PIAS1: variants seen among roughly 807,000 people sequenced by gnomAD.
PIAS1 encodes the protein E3 SUMO-protein ligase PIAS1.
In PIAS1, 6 loss-of-function variants were observed where a neutral mutation model predicts 71.3. The observed-to-expected ratio is 0.08, with a 90% CI of 0.05 to 0.17. PIAS1 has a LOEUF of 0.17. PIAS1 is among the 10% of genes least tolerant of loss of function. PIAS1 has a pLI of 1.00. For missense variants in PIAS1, 555 were observed against 793.6 expected (o/e 0.70, Z 3.61); for synonymous variants, 303 against 292.9 (o/e 1.03, Z -0.35).
chr15:68,071,330 T>C (rs2092094641), intron 1 of PIAS1, among the ~76,000 whole-genome samples: 1 of 149,256 alleles, frequency 6.7e-6, no homozygotes, highest in African/African-American at 2.5e-5. Context: ...AATTCTCTGC[T>C]TCAGCCTCCT....
At chr15:68,142,250 A>C in intron 3 of PIAS1, 40 bp from the exon 4 acceptor site, 1 of 1,530,736 alleles carries the variant, frequency 6.5e-7, no homozygotes, top group Non-Finnish European at 9.0e-7. Context: ...TCATGCAAAT[A>C]CTTTAAAAGT....
chr15:68,154,652 C>A (rs1301488660), intron 7 of PIAS1, among the ~76,000 whole-genome samples: 2 of 152,192 alleles, frequency 1.3e-5, no homozygotes, highest in Non-Finnish European at 2.9e-5. Context: ...TATCAATATA[C>A]CCTTAATAGT....
chr15:68,184,903 C>G (rs2093077937), intron 13 of PIAS1: 1 of 153,356 alleles, frequency 6.5e-6, no homozygotes, highest in African/African-American at 2.4e-5. Flanking sequence ...AGCATGTCAG[C>G]AAGCACACAC....
intron 2 of PIAS1, among the ~76,000 whole-genome samples, chr15:68,123,383 C>T (rs2092626666): frequency 6.6e-6 from 1 of 152,178 alleles, no homozygotes; most frequent in Admixed American, 6.5e-5. Flanking sequence ...TACATACCCT[C>T]TTACACACAG....
At chr15:68,091,298 A>G (rs906535224) in intron 2 of PIAS1, among the ~76,000 whole-genome samples, 2 of 152,148 alleles carry the variant, frequency 1.3e-5, no homozygotes, top group African/African-American at 2.4e-5. Flanking sequence ...GTATCATTCA[A>G]AATAGTTTAT....
intron 4 of PIAS1, 62 bp downstream of exon 4, chr15:68,142,399 G>A (rs571543924): frequency 7.3e-5 from 88 of 1,207,836 alleles, no homozygotes; most frequent in South Asian, 2.3e-4. Context: ...TTCACAGTAC[G>A]GGTCCAGTTA....
At chr15:68,117,841 TGA>T (rs757254880) in intron 2 of PIAS1, among the ~76,000 whole-genome samples, 1 of 152,240 alleles carries the variant, frequency 6.6e-6, no homozygotes, top group Non-Finnish European at 1.5e-5. Flanking sequence ...TTTCACATGC[TGA>T]TTTCATTTCC....
At chr15:68,163,988 A>G (rs980931875) in intron 7 of PIAS1, among the ~76,000 whole-genome samples, 3 of 152,204 alleles carry the variant, frequency 2.0e-5, no homozygotes, top group African/African-American at 7.2e-5. Context: ...AGAGTCTTTC[A>G]TATCAGACTG....
chr15:68,099,273 T>TA (rs1032654524), intron 2 of PIAS1, among the ~76,000 whole-genome samples: 8 of 151,090 alleles, frequency 5.3e-5, no homozygotes, highest in African/African-American at 1.7e-4. Flanking sequence ...TTTTTTTTTT[T>TA]ACTCTTCAAA....
In PIAS1 at chr15:68,185,540, C is replaced by T. The variant is rs914306406; in HGVS notation, c.1662+1873C>T. Among the ~76,000 whole-genome samples, 15 of 152,090 alleles carry T rather than the reference C, an allele frequency of 9.9e-5. No homozygotes were observed. Among genetic ancestry groups the T allele is most frequent in the Admixed American group, 3.9e-4 (6 of 15,272 alleles). On this transcript the variant is annotated intron_variant, in intron 13 of 13. Transcript: ENST00000249636. This position sits in a 1 kb window ranked among gnomAD's most constrained non-coding sequence, Gnocchi z 4.4. The stretch of plus-strand genomic sequence containing the variant: ...AGCTGTTGGAACTGGAACAGGAACA[C>T]GCAGCTGAAGAAGGTGCAAGAGAAA...
intron 2 of PIAS1, among the ~76,000 whole-genome samples, chr15:68,092,767 T>C (rs972337885): frequency 2.6e-5 from 4 of 152,186 alleles, no homozygotes; most frequent in African/African-American, 9.7e-5. Context: ...AGGTGCTGTC[T>C]ATGAGGAATA....
In PIAS1 at chr15:68,134,481, G is replaced by A. The variant is rs536132962; in HGVS notation, c.470-7465G>A. Among the ~76,000 whole-genome samples the A allele has an allele frequency of 2.5e-3, 136 of 54,476 alleles. 23 individuals carry two copies. Among genetic ancestry groups the A allele is most frequent in the African/African-American group, 5.2e-3 (132 of 25,616 alleles). 35.7% of individuals were successfully genotyped at this position (54,476 alleles called of 152,430 possible). On this transcript the variant is annotated intron_variant, in intron 2 of 13. Transcript: ENST00000249636. ...CACCTCCCGGACGGGGCGGCTGGCC[G>A]GGCGGGGGGCTGACCCCCCCCACTG...
intron 6 of PIAS1, among the ~76,000 whole-genome samples, 190 bp from the exon 7 acceptor site, chr15:68,153,400 T>C (rs779970003): frequency 6.6e-5 from 10 of 152,150 alleles, no homozygotes; most frequent in Non-Finnish European, 8.8e-5. Flanking sequence ...TAAAAACAGG[T>C]TTATGATCAT....
intron 1 of PIAS1, among the ~76,000 whole-genome samples, chr15:68,073,839 A>G (rs2092127856): frequency 6.6e-6 from 1 of 152,220 alleles, no homozygotes; most frequent in Non-Finnish European, 1.5e-5. Flanking sequence ...GGCAATAGTG[A>G]GGAGAATGAC....
intron 2 of PIAS1, among the ~76,000 whole-genome samples, chr15:68,090,927 G>GGTATGTGTGT (rs1555425139): frequency 7.0e-6 from 1 of 142,762 alleles, no homozygotes; most frequent in East Asian, 2.1e-4. Flanking sequence ...GTCATTTACG[G>GGTATGTGTGT]GTGTGTGTGT....
intron 2 of PIAS1, among the ~76,000 whole-genome samples, chr15:68,138,900 A>G (rs1042898081): frequency 2.6e-5 from 4 of 152,210 alleles, no homozygotes; most frequent in Non-Finnish European, 5.9e-5. Flanking sequence ...AGGGAGGGGC[A>G]TATTAAGTCT....
intron 1 of PIAS1, among the ~76,000 whole-genome samples, chr15:68,078,044 T>C (rs1047035733): frequency 6.6e-6 from 1 of 152,248 alleles, no homozygotes; most frequent in African/African-American, 2.4e-5. Context: ...ACTTAGATCA[T>C]CTAATTGCAA....
intron 2 of PIAS1, among the ~76,000 whole-genome samples, chr15:68,126,156 A>G (rs755209240): frequency 1.3e-5 from 2 of 152,094 alleles, no homozygotes; most frequent in South Asian, 2.1e-4. Flanking sequence ...CTTGTTCTTT[A>G]CTTGTAGGAA....
chr15:68,087,991 G>T, intron 2 of PIAS1: 1 of 230,190 alleles, frequency 4.3e-6, no homozygotes, highest in South Asian at 5.0e-5. Flanking sequence ...CATGCTCATT[G>T]TAAAAAATGG....
Sources: allele counts gnomAD v4.1 joint callset (sites outside exome capture counted in the v4.1 genomes callset), GRCh38; gene constraint gnomAD v4.1.1; non-coding constraint Gnocchi (gnomAD v3.1); transcripts MANE v1.5; gene names NCBI Gene and HGNC (gene_info 2026-07-23, HGNC 2026-07-21).